PCDHGA5: variants seen among roughly 807,000 people sequenced by gnomAD.
PCDHGA5 encodes the protein protocadherin gamma subfamily A, 5.
A neutral mutation model predicts 56.7 loss-of-function variants in PCDHGA5; 36 were observed. The observed-to-expected ratio is 0.64, with a 90% CI of 0.49 to 0.84. PCDHGA5 has a LOEUF of 0.84. Ranked by LOEUF, PCDHGA5 falls within the 40% of genes least tolerant of loss-of-function variation. The pLI is 0.00. For missense variants in PCDHGA5, 1,305 were observed against 1,201.5 expected, an observed-to-expected ratio of 1.09 and a Z score of -1.27; for synonymous variants, 563 against 520.2, an observed-to-expected ratio of 1.08 and a Z score of -1.12.
intron 1 of PCDHGA5, among the ~76,000 whole-genome samples, chr5:141,450,145 T>A (rs2098671113): frequency 6.6e-6 from 1 of 151,890 alleles, no homozygotes; most frequent in South Asian, 2.1e-4. Flanking sequence ...TAGCTGGGAC[T>A]ACAGGCATGT....
intron 1 of PCDHGA5, chr5:141,391,032 T>C (rs908748282): frequency 2.0e-5 from 3 of 152,212 alleles, no homozygotes; most frequent in African/African-American, 7.2e-5. Context: ...AAGACAATGT[T>C]TTGTGTCTGT....
intron 1 of PCDHGA5, chr5:141,418,595 G>GT (rs2096273873): frequency 6.2e-7 from 1 of 1,613,928 alleles, no homozygotes; most frequent in African/African-American, 1.3e-5. Context: ...CAGCCAGGAC[G>GT]TGTACAGGGT....
At chr5:141,420,284 TA>T in intron 1 of PCDHGA5, 2 of 1,505,934 alleles carry the variant, frequency 1.3e-6, no homozygotes, top group East Asian at 2.3e-5. Context: ...GGTAAGTATT[TA>T]AAAATGTATT....
intron 1 of PCDHGA5, chr5:141,430,966 A>G: frequency 1.2e-6 from 2 of 1,612,916 alleles, no homozygotes. Context: ...TCATCCCCAG[A>G]GGTAGGACGC....
chr5:141,489,124 A>C lies in PCDHGA5; in HGVS notation c.2422-5683A>C. The C allele has an allele frequency of 3.6e-6, 2 of 556,652 alleles. No individual in the cohort carries two copies. Among genetic ancestry groups the C allele is most frequent in the South Asian group, 3.3e-5 (1 of 30,014 alleles). The allele number at this position is 556,652 out of a possible 1,614,324, so 34.5% of individuals were successfully genotyped here. On this transcript the variant is annotated intron_variant, in intron 1 of 3. Transcript: ENST00000518069. The surrounding 1 kb of genome is among the most constrained non-coding windows in gnomAD (Gnocchi z 4.5). ...GCTGCAAGCAGGCAAACCTCCGAGC[A>C]GTTTTTAAGAGGCTGGAAGGAGACA...
chr5:141,389,442 C>T, intron 1 of PCDHGA5: 2 of 1,610,586 alleles, frequency 1.2e-6, no homozygotes, highest in Non-Finnish European at 1.7e-6. Context: ...CGCCTTCGAC[C>T]ACGAGCAGCT....
rs376395066 is a variant in PCDHGA5 at position 141,490,681 on chromosome 5, C to G, written c.2422-4126C>G. On this transcript the variant is annotated intron_variant, in intron 1 of 3. Transcript: ENST00000518069. The surrounding 1 kb of genome is among the most constrained non-coding windows in gnomAD (Gnocchi z 5.4). ...TCTTTGCACTGTGGCTGCCTCAGATCCAGACACTGGGGATAATGCCCGCCT... is the reference window on the plus strand; with the variant it reads ...TCTTTGCACTGTGGCTGCCTCAGATGCAGACACTGGGGATAATGCCCGCCT... 2.5e-6 allele frequency: 4 copies of G among 1,613,998 alleles called. No homozygotes were observed. In the African/African-American group the frequency reaches 4.0e-5, roughly 16 times the overall value.
intron 1 of PCDHGA5, chr5:141,375,537 C>T: frequency 6.2e-7 from 1 of 1,614,048 alleles, no homozygotes; most frequent in Non-Finnish European, 8.5e-7. Context: ...GACCAGAACG[C>T]CCAAGTCTCC....
chr5:141,506,688 T>G (rs114532236), intron 3 of PCDHGA5, among the ~76,000 whole-genome samples: 2,113 of 152,334 alleles, frequency 0.014, 37 homozygotes, highest in African/African-American at 0.048. Flanking sequence ...TTATCTTTGC[T>G]GACCCAAACC....
chr5:141,491,034 T>A lies in PCDHGA5; in HGVS notation c.2422-3773T>A. On this transcript the variant is annotated intron_variant, in intron 1 of 3. Coordinates refer to ENST00000518069, the MANE Select transcript of PCDHGA5 (RefSeq NM_018918.3). This position sits in a 1 kb window ranked among gnomAD's most constrained non-coding sequence, Gnocchi z 6.9. ...CCAAGGTGACAGCCGTGGATGCTGA[T>A]GCAGGCCACAATGCGTGGCTCTCCT... 1 of 1,614,170 alleles carries A rather than the reference T, an allele frequency of 6.2e-7. No individual in the cohort carries two copies. Among genetic ancestry groups the A allele is most frequent in the African/African-American group, 1.3e-5 (1 of 75,074 alleles).
chr5:141,383,124 C>G (rs1245604127), intron 1 of PCDHGA5: 3 of 1,613,930 alleles, frequency 1.9e-6, no homozygotes, highest in Non-Finnish European at 2.5e-6. Context: ...CGCAGCTTTT[C>G]GCCCTGAACC....
intron 1 of PCDHGA5, chr5:141,398,280 C>T (rs1001902282): frequency 1.4e-5 from 19 of 1,405,808 alleles, no homozygotes; most frequent in Non-Finnish European, 1.8e-5. Context: ...GGAACCTCGC[C>T]ACGGACCTGG....
intron 1 of PCDHGA5, among the ~76,000 whole-genome samples, chr5:141,401,180 A>G (rs1006390606): frequency 2.6e-5 from 4 of 152,196 alleles, no homozygotes; most frequent in Non-Finnish European, 5.9e-5. Context: ...CGTCTCTACT[A>G]AAAATACAAA....
At chr5:141,500,473 T>C (rs911171031) in intron 2 of PCDHGA5, among the ~76,000 whole-genome samples, 10 of 152,132 alleles carry the variant, frequency 6.6e-5, no homozygotes, top group Admixed American at 4.6e-4. Flanking sequence ...CCTCCCAAAG[T>C]GCTGGGATTA....
chr5:141,387,726 G>C, intron 1 of PCDHGA5: 7 of 1,198,740 alleles, frequency 5.8e-6, no homozygotes, highest in Non-Finnish European at 8.0e-6. Context: ...ACTCCCCAGC[G>C]CCAGCCTTTA....
intron 1 of PCDHGA5, chr5:141,410,489 G>T (rs1233643247): frequency 1.9e-6 from 3 of 1,613,854 alleles, no homozygotes; most frequent in Non-Finnish European, 1.7e-6. Context: ...GGGTACAAAA[G>T]AGTTTAATTT....
chr5:141,427,960 G>A, intron 1 of PCDHGA5: 2 of 1,589,168 alleles, frequency 1.3e-6, no homozygotes, highest in East Asian at 2.2e-5. Context: ...AATGTGCCGC[G>A]GGTGCTGTAC....
chr5:141,482,753 G>A (rs2154579665), intron 1 of PCDHGA5, among the ~76,000 whole-genome samples: 1 of 127,136 alleles, frequency 7.9e-6, no homozygotes. Context: ...GAGGGATTAT[G>A]GTATTTCATT....
Position 141,476,019 on chromosome 5 carries a change from C to T in PCDHGA5, c.2422-18788C>T, listed in dbSNP as rs964061075. The T allele has an allele frequency of 3.9e-5, 54 of 1,390,282 alleles. 1 individual carries two copies. Among genetic ancestry groups the T allele is most frequent in the Non-Finnish European group, 4.9e-5 (51 of 1,034,212 alleles). 86.1% of individuals were successfully genotyped at this position (1,390,282 alleles called of 1,614,324 possible). A position where few individuals can be genotyped will look rare whatever the true frequency, so the allele number is the denominator to read the frequency against. Reference sequence around the variant, plus strand: ...ACGGCATCCAGAAAGCCATGTCGGACTCGGCGCCCAGCGCCCAAGCGCTAA... The same window carrying T: ...ACGGCATCCAGAAAGCCATGTCGGATTCGGCGCCCAGCGCCCAAGCGCTAA... On this transcript the variant is annotated intron_variant, in intron 1 of 3. Transcript: ENST00000518069. This position sits in a 1 kb window ranked among gnomAD's most constrained non-coding sequence, Gnocchi z 7.6.
Sources: gnomAD v4.1 joint callset for allele counts (sites outside exome capture counted in the v4.1 genomes callset) on GRCh38, gnomAD v4.1.1 for gene constraint, Gnocchi (gnomAD v3.1) non-coding constraint, MANE v1.5 for transcripts, NCBI Gene and HGNC (gene_info 2026-07-23, HGNC 2026-07-21) for gene names.